FER: variants seen among roughly 807,000 people sequenced by gnomAD.
FER encodes FER tyrosine kinase, also known as tyrosine-protein kinase Fer.
Under a neutral mutation model 111.0 loss-of-function variants are expected in FER, and 63 were observed. That is an observed-to-expected ratio of 0.57 (90% CI 0.46 to 0.70). The LOEUF (loss-of-function observed/expected upper bound fraction) is 0.70, where lower values mean the gene tolerates loss of function less well. Ranked by LOEUF, FER falls within the 30% of genes least tolerant of loss-of-function variation. The pLI is 0.00. For missense variants in FER, 914 were observed against 954.0 expected (o/e 0.96, Z 0.55); for synonymous variants, 327 against 313.9 (o/e 1.04, Z -0.44).
At chr5:109,123,190 CTG>C (rs1751229333) in intron 17 of FER, among the ~76,000 whole-genome samples, 1 of 140,666 alleles carries the variant, frequency 7.1e-6, no homozygotes, top group Non-Finnish European at 1.5e-5. Context: ...GAGTCTCACT[CTG>C]TCGCCCAGGC....
At chr5:108,984,041 T>G (rs577930635) in intron 13 of FER, among the ~76,000 whole-genome samples, 1 of 152,274 alleles carries the variant, frequency 6.6e-6, no homozygotes, top group South Asian at 2.1e-4. Context: ...ACACGGTGCC[T>G]ACTCTTCTTG....
intron 16 of FER, among the ~76,000 whole-genome samples, chr5:109,061,336 C>T (rs1774387902): frequency 6.6e-6 from 1 of 151,984 alleles, no homozygotes; most frequent in Non-Finnish European, 1.5e-5. Context: ...AAAACTAGTA[C>T]AATAATATAT....
At chr5:109,026,284 T>C (rs1768724374) in intron 13 of FER, among the ~76,000 whole-genome samples, 1 of 152,206 alleles carries the variant, frequency 6.6e-6, no homozygotes, top group Admixed American at 6.5e-5. Flanking sequence ...ATAATGTGTG[T>C]GTTTCCTAAA....
chr5:108,901,815 G>A (rs1750067266), intron 10 of FER, among the ~76,000 whole-genome samples: 1 of 152,118 alleles, frequency 6.6e-6, no homozygotes, highest in South Asian at 2.1e-4. Context: ...GTCGGGTGTG[G>A]TGGCACATGC....
At chr5:108,964,249 A>G (rs528261941) in intron 13 of FER, among the ~76,000 whole-genome samples, 2 of 152,238 alleles carry the variant, frequency 1.3e-5, no homozygotes, top group South Asian at 4.1e-4. Flanking sequence ...TGTTGAGGAC[A>G]GTGTTTAGGT....
chr5:108,871,342 C>T, intron 6 of FER, 23 bp from the exon 7 acceptor site: 1 of 1,594,858 alleles, frequency 6.3e-7, no homozygotes, highest in Non-Finnish European at 8.5e-7. Flanking sequence ...TAAAATGCTG[C>T]AAAATTTTAT....
rs1180997839 is a variant in FER at position 108,760,859 on chromosome 5, T to C, written c.-205-7234T>C. ...ACTGGAGGAGCACTTTTAATTTTCT[T>C]CAATAACTTTTCCTTTGCTTTTACA... On this transcript the variant is annotated intron_variant, in intron 1 of 19. Coordinates refer to ENST00000281092, the MANE Select transcript of FER (RefSeq NM_005246.4). Among the ~76,000 whole-genome samples, 15 of 152,344 alleles carry C rather than the reference T, an allele frequency of 9.8e-5. No individual in the cohort carries two copies. In the East Asian group the frequency reaches 2.7e-3, roughly 27 times the overall value.
At chr5:108,822,372 GAA>G (rs1411246992) in intron 3 of FER, among the ~76,000 whole-genome samples, 1 of 152,060 alleles carries the variant, frequency 6.6e-6, no homozygotes, top group African/African-American at 2.4e-5. Context: ...ATTTTATAAA[GAA>G]AGAGGTTTAT....
At chr5:109,176,158 G>C (rs376900221) in intron 17 of FER, among the ~76,000 whole-genome samples, 1 of 152,094 alleles carries the variant, frequency 6.6e-6, no homozygotes, top group African/African-American at 2.4e-5. Flanking sequence ...TTTGTCCAAA[G>C]GAAAGAAACC....
rs2126908487 is a variant in FER at position 109,192,194 on chromosome 5, A to T, written c.*4619A>T. The T allele has an allele frequency of 6.6e-6, 1 of 152,366 alleles. No homozygotes were observed. The highest frequency in any genetic ancestry group is 2.4e-5 in the African/African-American group (1 of 41,594). The allele number at this position is 152,366 out of a possible 1,614,324, so 9.4% of individuals were successfully genotyped here. A position where few individuals can be genotyped will look rare whatever the true frequency, so the allele number is the denominator to read the frequency against. ...AGCATAGGCTTCAGTATATTTAATA[A>T]GGTGCTGAGGCAGCAGATTCAAATG... On this transcript the variant is annotated 3_prime_UTR_variant, in exon 20 of 20. Transcript: ENST00000281092.
chr5:108,969,459 GTATGAT>G (rs1352377256), intron 13 of FER, among the ~76,000 whole-genome samples: 1 of 152,064 alleles, frequency 6.6e-6, no homozygotes, highest in Non-Finnish European at 1.5e-5. Flanking sequence ...AAGGGTAGGA[GTATGAT>G]TATAAGTCTG....
chr5:109,003,385 A>G (rs1019104948), intron 13 of FER, among the ~76,000 whole-genome samples: 5 of 152,160 alleles, frequency 3.3e-5, no homozygotes, highest in African/African-American at 4.8e-5. Context: ...CAAACACCGC[A>G]TGTTCTCACT....
chr5:108,911,788 A>G (rs1269845101), intron 10 of FER, among the ~76,000 whole-genome samples: 1 of 151,866 alleles, frequency 6.6e-6, no homozygotes, highest in East Asian at 1.9e-4. Context: ...AGATGGCTTT[A>G]TTTCTGGGTT....
At chr5:108,785,714 A>G (rs755953940) in intron 2 of FER, among the ~76,000 whole-genome samples, 1 of 151,928 alleles carries the variant, frequency 6.6e-6, no homozygotes, top group Non-Finnish European at 1.5e-5. Flanking sequence ...GGCTTCCTTG[A>G]TATTTGTCAG....
At chr5:108,804,698 T>A (rs1366472906) in intron 3 of FER, among the ~76,000 whole-genome samples, 3 of 152,220 alleles carry the variant, frequency 2.0e-5, no homozygotes, top group African/African-American at 7.2e-5. Flanking sequence ...TGGATCATGA[T>A]GAATTAATTT....
At chr5:108,748,802 A>AGGGCC (rs1318802408) in intron 1 of FER, among the ~76,000 whole-genome samples, 1 of 152,126 alleles carries the variant, frequency 6.6e-6, no homozygotes, top group Non-Finnish European at 1.5e-5. Flanking sequence ...GAGGGGGCTG[A>AGGGCC]GGGCCGGGCG....
intron 16 of FER, among the ~76,000 whole-genome samples, chr5:109,081,663 T>C (rs555385720): frequency 5.9e-4 from 90 of 152,176 alleles, no homozygotes; most frequent in African/African-American, 2.1e-3. Flanking sequence ...TCAGTGGTAG[T>C]ACTGACTTAG....
intron 10 of FER, among the ~76,000 whole-genome samples, chr5:108,935,194 T>TCGGGAGGC (rs1231227952): frequency 6.6e-6 from 1 of 152,104 alleles, no homozygotes; most frequent in African/African-American, 2.4e-5. Context: ...CTTTCACAGT[T>TCGGGAGGC]CGGGAGGCCA....
chr5:109,076,576 T>A (rs532301745), intron 16 of FER, among the ~76,000 whole-genome samples: 9 of 152,224 alleles, frequency 5.9e-5, no homozygotes, highest in Admixed American at 5.9e-4. Flanking sequence ...TAGTTGTGAC[T>A]ACAGGGGCAT....
Sources: allele counts gnomAD v4.1 joint callset (sites outside exome capture counted in the v4.1 genomes callset), GRCh38; gene constraint gnomAD v4.1.1; transcripts MANE v1.5; gene names NCBI Gene and HGNC (gene_info 2026-07-23, HGNC 2026-07-21).